CDH11: variants seen among roughly 807,000 people sequenced by gnomAD.
CDH11 encodes the protein cadherin-11.
In CDH11, 11 loss-of-function variants were observed where a neutral mutation model predicts 67.8. That is an observed-to-expected ratio of 0.16 (90% confidence interval 0.10 to 0.27). CDH11 has a LOEUF of 0.27. CDH11 is among the 10% of genes least tolerant of loss of function. The pLI is 1.00. For synonymous variants in CDH11, 419 were observed against 400.0 expected (o/e 1.05, Z -0.57); for missense variants, 847 against 1,031.2 (o/e 0.82, Z 2.45).
Position 64,947,580 on chromosome 16 carries a change from A to G in CDH11, c.*23T>C. 6.3e-7 allele frequency: 1 copy of G among 1,590,702 alleles called. No homozygotes were observed. Among genetic ancestry groups the G allele is most frequent in the Non-Finnish European group, 8.6e-7 (1 of 1,165,452 alleles). On this transcript the variant is annotated 3_prime_UTR_variant, in exon 13 of 13. Transcript: ENST00000268603. ...TTGAGAACGCCAGACACAGTTCTTA[A>G]GGCCAAATTTGTATCGTTATTGTTA...
chr16:65,098,893 A>G (rs1267343874), intron 1 of CDH11, among the ~76,000 whole-genome samples: 1 of 152,180 alleles, frequency 6.6e-6, no homozygotes, highest in African/African-American at 2.4e-5. Flanking sequence ...TTTTCTAAAT[A>G]TCAGCACCTA....
intron 11 of CDH11, among the ~76,000 whole-genome samples, chr16:64,967,703 A>C (rs2071880708): frequency 6.6e-6 from 1 of 152,020 alleles, no homozygotes; most frequent in South Asian, 2.1e-4. Flanking sequence ...TTTTTTTAAG[A>C]AAAGAAATGT....
At chr16:65,098,935 C>T (rs765659149) in intron 1 of CDH11, among the ~76,000 whole-genome samples, 5 of 152,040 alleles carry the variant, frequency 3.3e-5, no homozygotes, top group African/African-American at 4.8e-5. Context: ...AATAAAATGA[C>T]CTTTGAGGTC....
At chr16:65,117,847 CTG>C (rs147080114) in intron 1 of CDH11, among the ~76,000 whole-genome samples, 1,983 of 152,260 alleles carry the variant, frequency 0.013, 50 homozygotes, top group African/African-American at 0.045. Flanking sequence ...TCCCAGATCA[CTG>C]TCTCAGTGAG....
chr16:65,075,635 A>T (rs2074495407), intron 1 of CDH11, among the ~76,000 whole-genome samples: 1 of 152,008 alleles, frequency 6.6e-6, no homozygotes, highest in South Asian at 2.1e-4. Context: ...ATTTCAGGAG[A>T]CTCTATTGCT....
At chr16:64,963,111 C>G (rs1355938027) in intron 11 of CDH11, among the ~76,000 whole-genome samples, 1 of 152,124 alleles carries the variant, frequency 6.6e-6, no homozygotes, top group African/African-American at 2.4e-5. Context: ...GAGAAAATAT[C>G]AAAACCAGGC....
Position 64,946,019 on chromosome 16 carries a change from C to A in CDH11, c.*1584G>T. On this transcript the variant is annotated 3_prime_UTR_variant, in exon 13 of 13. Transcript: ENST00000268603. ...AATGCCCTTCACATAAGTTTCAATC[C>A]CCAAGAAACTAGCTGGAATGCAGGG... The A allele has an allele frequency of 9.4e-7, 1 of 1,058,858 alleles. No individual in the cohort carries two copies. The highest frequency in any genetic ancestry group is 1.1e-6 in the Non-Finnish European group (1 of 875,324). The allele number at this position is 1,058,858 out of a possible 1,614,324, so 65.6% of individuals were successfully genotyped here. A position where few individuals can be genotyped will look rare whatever the true frequency, so the allele number is the denominator to read the frequency against.
chr16:65,087,484 T>C (rs867402508), intron 1 of CDH11, among the ~76,000 whole-genome samples: 8 of 152,316 alleles, frequency 5.3e-5, no homozygotes, highest in Middle Eastern at 3.4e-3. Context: ...ATACATCACA[T>C]GCTGCTGCAG....
rs534015965 is a variant in CDH11 at position 65,085,964 on chromosome 16, C to G, written c.-297-32036G>C. Among the ~76,000 whole-genome samples, 8 of 152,312 alleles carry G rather than the reference C, an allele frequency of 5.3e-5. No homozygotes were observed. In the East Asian group the frequency reaches 1.5e-3, roughly 29 times the overall value. On this transcript the variant is annotated intron_variant, in intron 1 of 12. Coordinates refer to ENST00000268603, the MANE Select transcript of CDH11 (RefSeq NM_001797.4). ...GCTGGTAAATGTCAAAACCAAGATT[C>G]AACTCAACTAGCTTTAACTTAGAAG... is the stretch of plus-strand genomic sequence containing the variant.
At chr16:65,086,199 C>G (rs1004242545) in intron 1 of CDH11, among the ~76,000 whole-genome samples, 2 of 152,202 alleles carry the variant, frequency 1.3e-5, no homozygotes, top group Admixed American at 1.3e-4. Flanking sequence ...CTGTCTAGCC[C>G]TTTACAGAAA....
rs1443582615 is a variant in CDH11 at position 65,051,074 on chromosome 16, C to T, written c.-173+2730G>A. 3.3e-5 allele frequency among the ~76,000 whole-genome samples: 5 copies of T among 152,244 alleles called. No homozygotes were observed. In the East Asian group the frequency reaches 9.7e-4, roughly 29 times the overall value. On this transcript the variant is annotated intron_variant, in intron 2 of 12. Transcript: ENST00000268603. ...AGCCAGGCTTCGGAGCAAATGAGTG[C>T]AAAATAAGCAAATGCAAGAGGAGTC... is the stretch of plus-strand genomic sequence containing the variant.
rs374588289 is a variant in CDH11, at chr16:65,070,934, A to G, written c.-297-17006T>C. Among the ~76,000 whole-genome samples the G allele has an allele frequency of 9.8e-5, 15 of 152,352 alleles. No homozygotes were observed. The East Asian group carries it at 1.9e-3, about 20-fold the overall frequency. On this transcript the variant is annotated intron_variant, in intron 1 of 12. Transcript: ENST00000268603. ...AGACGCTGAAAAAAACCAACCTCCC[A>G]CATGGCTTGTGAGATCAGCAGAGGC...
At chr16:65,030,838 G>C (rs1567537930) in intron 2 of CDH11, among the ~76,000 whole-genome samples, 1 of 152,188 alleles carries the variant, frequency 6.6e-6, no homozygotes, top group Non-Finnish European at 1.5e-5. Flanking sequence ...GCTGGAATTA[G>C]AGGTGTGAGC....
Position 65,004,798 on chromosome 16 carries a change from G to A in CDH11, c.72C>T (p.Ala24=), listed in dbSNP as rs774584940. Residue 24 remains alanine, a synonymous_variant, in exon 3 of 13, where the codon GCC becomes GCT. Transcript: ENST00000268603. The stretch of plus-strand genomic sequence containing the variant: ...GCCGCAGGTGCCCCCGCCGCTCTGG[G>A]GCAAAGGCATGGCTGTGGCACAGCA... The part of the protein sequence containing the change: ...LGMLCHSHAF[A]PERRGHLRPS... 3.8e-6 allele frequency: 6 copies of A among 1,597,670 alleles called. No homozygotes were observed. Among genetic ancestry groups the A allele is most frequent in the Non-Finnish European group, 4.3e-6 (5 of 1,172,294 alleles).
At chr16:65,117,894 C>T (rs1389164735) in intron 1 of CDH11, among the ~76,000 whole-genome samples, 1 of 152,158 alleles carries the variant, frequency 6.6e-6, no homozygotes, top group Non-Finnish European at 1.5e-5. Flanking sequence ...CCAGCCCCCA[C>T]CCCGGCTGCT....
At chr16:64,961,398 T>A (rs951890197) in intron 11 of CDH11, among the ~76,000 whole-genome samples, 1 of 152,164 alleles carries the variant, frequency 6.6e-6, no homozygotes, top group Admixed American at 6.5e-5. Flanking sequence ...TGTAACCCCA[T>A]GATCTGATAA....
Position 64,944,283 on chromosome 16 carries a change from G to C in CDH11, c.*3320C>G, listed in dbSNP as rs1036461041. The stretch of plus-strand genomic sequence containing the variant: ...AGCCAAGAGGTGGGGTCAGTCTTCC[G>C]GGTCAGAGATGACCATGGCCCAGAC... On this transcript the variant is annotated 3_prime_UTR_variant, in exon 13 of 13. Transcript: ENST00000268603. 12 of 233,034 alleles carry C rather than the reference G, an allele frequency of 5.1e-5. No homozygotes were observed. The East Asian group carries it at 7.3e-4, about 14-fold the overall frequency. 14.4% of individuals were successfully genotyped at this position (233,034 alleles called of 1,614,324 possible).
At chr16:64,950,206 A>C (rs2142369753) in intron 12 of CDH11, among the ~76,000 whole-genome samples, 1 of 152,324 alleles carries the variant, frequency 6.6e-6, no homozygotes, top group Non-Finnish European at 1.5e-5. Flanking sequence ...GGGTAGGTGC[A>C]GGAAAAGCTT....
chr16:65,032,326 A>AAC, intron 2 of CDH11, among the ~76,000 whole-genome samples: 1 of 142,034 alleles, frequency 7.0e-6, no homozygotes, highest in East Asian at 2.0e-4. Flanking sequence ...GTCTCTCCCA[A>AAC]AAAAAAAAAA....
Sources: gnomAD v4.1 joint callset for allele counts (sites outside exome capture counted in the v4.1 genomes callset) on GRCh38, gnomAD v4.1.1 for gene constraint, MANE v1.5 for transcripts, NCBI Gene and HGNC (gene_info 2026-07-23, HGNC 2026-07-21) for gene names.